RALGAPA2: variants seen among roughly 807,000 people sequenced by gnomAD.
RALGAPA2 encodes the protein ral GTPase-activating protein subunit alpha-2.
Under a neutral mutation model 230.4 loss-of-function variants are expected in RALGAPA2, and 139 were observed. The ratio of observed to expected loss-of-function variants is 0.60; its 90% CI spans 0.53 to 0.69. The LOEUF (loss-of-function observed/expected upper bound fraction) is 0.69. Among genes scored for constraint, RALGAPA2 ranks in the 30% least tolerant of loss-of-function variants. The pLI is 0.00. For synonymous variants in RALGAPA2, 847 were observed against 837.8 expected, an observed-to-expected ratio of 1.01 and a Z score of -0.19; for missense variants, 2,163 against 2,276.0, an observed-to-expected ratio of 0.95 and a Z score of 1.01.
chr20:20,498,911 G>A (rs1224567883), intron 35 of RALGAPA2, among the ~76,000 whole-genome samples: 1 of 152,194 alleles, frequency 6.6e-6, no homozygotes, highest in African/African-American at 2.4e-5. Context: ...CCCTACAGCA[G>A]TTAGATTAGC....
intron 35 of RALGAPA2, among the ~76,000 whole-genome samples, chr20:20,497,430 C>G (rs1041927083): frequency 1.3e-5 from 2 of 152,116 alleles, no homozygotes; most frequent in Non-Finnish European, 2.9e-5. Flanking sequence ...TCACACAGCC[C>G]TCACCCTGCA....
intron 3 of RALGAPA2, chr20:20,659,873 T>C: frequency 1.9e-6 from 1 of 530,140 alleles, no homozygotes; most frequent in Non-Finnish European, 3.6e-6. Context: ...GAGCATCCCC[T>C]ACAGTACAAC....
intron 36 of RALGAPA2, among the ~76,000 whole-genome samples, chr20:20,487,825 T>C (rs1378018031): frequency 6.6e-6 from 1 of 151,924 alleles, no homozygotes; most frequent in Admixed American, 6.6e-5. Flanking sequence ...GGTGCGAGGA[T>C]TGCTTGAGCC....
chr20:20,635,401 G>A lies in RALGAPA2; in HGVS notation c.1005+17C>T. 1.3e-6 allele frequency: 2 copies of A among 1,570,590 alleles called. No homozygotes were observed. Among genetic ancestry groups the A allele is most frequent in the Non-Finnish European group, 1.7e-6 (2 of 1,154,116 alleles). On this transcript the variant is annotated intron_variant, in intron 9 of 39. Transcript: ENST00000202677. ...TTACACAAGCATTAACAGATAAAAA[G>A]ATGATGGATGGCATACCTGGATGAT...
At chr20:20,640,972 G>A in intron 5 of RALGAPA2, 94 bp from the exon 6 acceptor site, 7 of 1,159,472 alleles carry the variant, frequency 6.0e-6, no homozygotes, top group Non-Finnish European at 7.3e-6. Flanking sequence ...AAAACTACAA[G>A]TTAAAGGTGT....
rs2059632492 is a variant in RALGAPA2, at chr20:20,393,172, G to T, written c.*117C>A. On this transcript the variant is annotated 3_prime_UTR_variant, in exon 40 of 40. Coordinates refer to ENST00000202677, the MANE Select transcript of RALGAPA2 (RefSeq NM_020343.4). The stretch of plus-strand genomic sequence containing the variant: ...GGAGATTCTGGGTTTAGTGGCTCGG[G>T]GCAGAGGCAGGAGAGGGTGTTCTGT... 4 of 1,351,976 alleles carry T rather than the reference G, an allele frequency of 3.0e-6. No homozygotes were observed. The highest frequency in any genetic ancestry group is 3.9e-6 in the Non-Finnish European group (4 of 1,015,158). The allele number at this position is 1,351,976 out of a possible 1,614,324, so 83.7% of individuals were successfully genotyped here. A position where few individuals can be genotyped will look rare whatever the true frequency, so the allele number is the denominator to read the frequency against.
At chr20:20,598,336 A>C (rs1334665487) in intron 16 of RALGAPA2, among the ~76,000 whole-genome samples, 1 of 152,150 alleles carries the variant, frequency 6.6e-6, no homozygotes, top group Non-Finnish European at 1.5e-5. Context: ...ACATTCTCAA[A>C]ACTTTTATGA....
At chr20:20,598,291 A>G (rs1318944113) in intron 16 of RALGAPA2, among the ~76,000 whole-genome samples, 3 of 152,092 alleles carry the variant, frequency 2.0e-5, no homozygotes, top group Non-Finnish European at 4.4e-5. Flanking sequence ...TAGTTTATTC[A>G]TTTTTTGGAA....
At chr20:20,405,671 C>T (rs564188525) in intron 38 of RALGAPA2, among the ~76,000 whole-genome samples, 9 of 152,198 alleles carry the variant, frequency 5.9e-5, no homozygotes, top group Non-Finnish European at 1.0e-4. Flanking sequence ...AGACCATCTA[C>T]GAAAGCACCT....
At chr20:20,471,067 T>C (rs929265555) in intron 37 of RALGAPA2, 2 of 152,218 alleles carry the variant, frequency 1.3e-5, no homozygotes, top group Admixed American at 1.3e-4. Context: ...CTGTACTACA[T>C]TGTTGTTTGA....
intron 15 of RALGAPA2, among the ~76,000 whole-genome samples, chr20:20,602,848 T>C (rs2065700517): frequency 6.7e-6 from 1 of 150,240 alleles, no homozygotes; most frequent in Admixed American, 6.6e-5. Flanking sequence ...GTGTGTGTAG[T>C]GTATGCACAC....
chr20:20,578,399 GCTAT>G (rs1181878248), intron 20 of RALGAPA2, among the ~76,000 whole-genome samples: 4 of 152,036 alleles, frequency 2.6e-5, no homozygotes, highest in South Asian at 2.1e-4. Flanking sequence ...ATGCTAGCCT[GCTAT>G]CTTTTTGTTT....
At position 20,619,336 on chromosome 20, in the gene RALGAPA2, C is replaced by A; in HGVS notation, c.1480G>T (p.Gly494Trp). ...GTATTTTCCTCCTCTGTCACACACC[C>A]TCTGCTCATTGCACTTGTGAAGGAG... ...TYSFTSAMSRGCVTEEENTNV... is the reference protein window; with the variant it reads ...TYSFTSAMSRWCVTEEENTNV... The change falls in exon 12 of 40, where the codon GGG becomes TGG. Residue 494 changes from glycine (G) to tryptophan (W), a missense_variant. Gly to Trp is a radical substitution (Grantham distance 184). Transcript: ENST00000202677. The A allele has an allele frequency of 6.2e-7, 1 of 1,612,568 alleles. No individual in the cohort carries two copies. The highest frequency in any genetic ancestry group is 2.2e-5 in the East Asian group (1 of 44,842).
intron 1 of RALGAPA2, among the ~76,000 whole-genome samples, chr20:20,703,840 G>C (rs1427192016): frequency 1.3e-5 from 2 of 152,114 alleles, no homozygotes; most frequent in African/African-American, 4.8e-5. Flanking sequence ...GTCCACTCTA[G>C]GGCACATGTT....
intron 2 of RALGAPA2, among the ~76,000 whole-genome samples, chr20:20,680,321 T>C (rs1320532754): frequency 6.6e-6 from 1 of 152,250 alleles, no homozygotes; most frequent in Non-Finnish European, 1.5e-5. Flanking sequence ...TCTTTAATAG[T>C]GGTTGCCTCT....
intron 3 of RALGAPA2, among the ~76,000 whole-genome samples, chr20:20,662,500 A>G (rs1363485809): frequency 6.6e-6 from 1 of 152,194 alleles, no homozygotes; most frequent in Non-Finnish European, 1.5e-5. Flanking sequence ...ATAGAAATAA[A>G]AAAGTTTTAT....
At chr20:20,668,622 T>G (rs1007816254) in intron 3 of RALGAPA2, among the ~76,000 whole-genome samples, 2 of 152,140 alleles carry the variant, frequency 1.3e-5, no homozygotes, top group Non-Finnish European at 2.9e-5. Flanking sequence ...ACTATGGATA[T>G]CCAGCCACAG....
intron 37 of RALGAPA2, among the ~76,000 whole-genome samples, chr20:20,422,116 T>C (rs1011917411): frequency 6.6e-6 from 1 of 152,160 alleles, no homozygotes; most frequent in African/African-American, 2.4e-5. Context: ...CAGTGGCTGC[T>C]TGGGGCCAGA....
chr20:20,495,620 C>T (rs1193488251), intron 35 of RALGAPA2, among the ~76,000 whole-genome samples: 2 of 152,182 alleles, frequency 1.3e-5, no homozygotes, highest in East Asian at 3.9e-4. Context: ...AAACAATTAA[C>T]AACACGTGTC....
Sources: allele counts gnomAD v4.1 joint callset (sites outside exome capture counted in the v4.1 genomes callset), GRCh38; gene constraint gnomAD v4.1.1; transcripts MANE v1.5; gene names NCBI Gene and HGNC (gene_info 2026-07-23, HGNC 2026-07-21).